The following DOCK5 variants were observed in gnomAD, a reference collection of about 807,000 sequenced individuals.
DOCK5 encodes the protein dedicator of cytokinesis 5.
Under a neutral mutation model 251.8 loss-of-function variants are expected in DOCK5, and 142 were observed. The observed-to-expected ratio is 0.56, with a 90% CI of 0.49 to 0.65. The LOEUF is 0.65. DOCK5 is among the 30% of genes least tolerant of loss of function. The pLI is 0.00. For missense variants in DOCK5, 2,111 were observed against 2,312.3 expected (o/e 0.91, Z 1.79); for synonymous variants, 842 against 835.5 (o/e 1.01, Z -0.13).
At chr8:25,389,061 A>G in intron 40 of DOCK5, 30 bp from the exon 41 acceptor site, 1 of 1,609,452 alleles carries the variant, frequency 6.2e-7, no homozygotes, top group African/African-American at 1.3e-5. Flanking sequence ...TTCCTATGTA[A>G]TGACTTCCCT....
chr8:25,325,520 A>T lies in DOCK5; in HGVS notation c.1876A>T (p.Ile626Phe), dbSNP rs542835101. The T allele has an allele frequency of 6.2e-7, 1 of 1,613,766 alleles. No individual in the cohort carries two copies. Among genetic ancestry groups the T allele is most frequent in the African/African-American group, 1.3e-5 (1 of 75,048 alleles). Reference protein sequence around the residue: ...TKDSFQIATLICSTKLTQNVD... With the variant: ...TKDSFQIATLFCSTKLTQNVD... ...AGACAGCTTTCAGATTGCCACCCTCATCTGCTCCACAAAGCTCACCCAGAA... is the reference window on the plus strand; with the variant it reads ...AGACAGCTTTCAGATTGCCACCCTCTTCTGCTCCACAAAGCTCACCCAGAA... Residue 626 changes from isoleucine (I) to phenylalanine (F), a missense_variant, in exon 18 of 52, where the codon ATC becomes TTC. This residue lies in a region of DOCK5 where 1,717 missense variants were observed against 1,892.4 expected (regional missense o/e 0.91). Transcript: ENST00000276440.
chr8:25,404,280 T>C (rs1488448949), intron 48 of DOCK5, among the ~76,000 whole-genome samples: 3 of 152,220 alleles, frequency 2.0e-5, no homozygotes, highest in Admixed American at 6.5e-5. Context: ...TTTAATATTA[T>C]ATCTTGAAAC....
chr8:25,323,243 C>T lies in DOCK5; in HGVS notation c.1616-605C>T, dbSNP rs573505119. ...CTTTCCTGGCACTGGAGCTGGTATT[C>T]TGGGGAGGAAGGGTAAAGAAACTTT... On this transcript the variant is annotated intron_variant, in intron 16 of 51. Transcript: ENST00000276440. Among the ~76,000 whole-genome samples the T allele has an allele frequency of 8.6e-4, 131 of 152,302 alleles. 4 individuals carry two copies. In the South Asian group the frequency reaches 0.026, roughly 31 times the overall value.
rs759229539 is a variant in DOCK5 at position 25,278,631 on chromosome 8, G to A, written c.287G>A (p.Arg96Gln). 7 of 1,613,954 alleles carry A rather than the reference G, an allele frequency of 4.3e-6. No individual in the cohort carries two copies. The highest frequency in any genetic ancestry group is 2.2e-5 in the East Asian group (1 of 44,850). The change falls in exon 5 of 52, where the codon CGA (arginine) becomes CAA (glutamine). Residue 96 changes from arginine (R) to glutamine (Q), a missense_variant. Around this residue, in one of 3 missense-constraint regions of DOCK5, gnomAD observed 335 missense variants for 324.9 expected, o/e 1.03. Transcript: ENST00000276440. Reference protein sequence around the residue: ...PLVQELTSTLREWAVIWRKLY... With the variant: ...PLVQELTSTLQEWAVIWRKLY... Reference sequence around the variant, plus strand: ...GTGCAGGAGCTCACGTCCACTCTGCGAGAATGGGCTGTCATCTGGCGAAAG... The same window carrying A: ...GTGCAGGAGCTCACGTCCACTCTGCAAGAATGGGCTGTCATCTGGCGAAAG...
At chr8:25,265,877 T>C (rs2117593161) in intron 2 of DOCK5, among the ~76,000 whole-genome samples, 1 of 151,948 alleles carries the variant, frequency 6.6e-6, no homozygotes, top group East Asian at 1.9e-4. Context: ...ATTTTGACAG[T>C]GGAATTAGCA....
intron 5 of DOCK5, among the ~76,000 whole-genome samples, chr8:25,282,152 TTG>T: frequency 6.6e-6 from 1 of 152,270 alleles, no homozygotes; most frequent in East Asian, 1.9e-4. Flanking sequence ...GCAAAAGTAA[TTG>T]TGGCTTTCAC....
At chr8:25,283,982 A>G (rs1045997724) in intron 5 of DOCK5, among the ~76,000 whole-genome samples, 1 of 152,200 alleles carries the variant, frequency 6.6e-6, no homozygotes, top group Admixed American at 6.5e-5. Flanking sequence ...GACCTTGGAC[A>G]TTGGAGTCAG....
At chr8:25,208,532 C>A (rs944993944) in intron 1 of DOCK5, among the ~76,000 whole-genome samples, 1 of 152,330 alleles carries the variant, frequency 6.6e-6, no homozygotes, top group Non-Finnish European at 1.5e-5. Flanking sequence ...AAGCAAGACC[C>A]TTCACCAGCC....
chr8:25,392,102 G>A lies in DOCK5; in HGVS notation c.4440+122G>A, dbSNP rs1204032111. On this transcript the variant is annotated intron_variant, in intron 43 of 51. Transcript: ENST00000276440. ...GCGGATCACGAAGTCAAGAGATCGA[G>A]ACCATCCTGGCTAATACGGTGAAAC... The A allele has an allele frequency of 6.6e-6, 6 of 903,534 alleles. No individual in the cohort carries two copies. The Admixed American group carries it at 1.5e-4, about 22-fold the overall frequency. The allele number at this position is 903,534 out of a possible 1,614,324, so 56.0% of individuals were successfully genotyped here. A position where few individuals can be genotyped will look rare whatever the true frequency, so the allele number is the denominator to read the frequency against.
chr8:25,364,804 A>C, intron 30 of DOCK5, 100 bp downstream of exon 30: 1 of 873,298 alleles, frequency 1.1e-6, no homozygotes, highest in Non-Finnish European at 1.8e-6. Flanking sequence ...CTGTTTTCAC[A>C]TGAAAAAGGT....
Position 25,414,549 on chromosome 8 carries a change from T to C in DOCK5, c.*3251T>C, listed in dbSNP as rs971280396. 6.6e-6 allele frequency: 1 copy of C among 152,206 alleles called. No individual in the cohort carries two copies. Among genetic ancestry groups the C allele is most frequent in the Non-Finnish European group, 1.5e-5 (1 of 68,032 alleles). The allele number at this position is 152,206 out of a possible 1,614,324, so 9.4% of individuals were successfully genotyped here. ...ACTCTTTCCAAGCTGGAAGAGTCCT[T>C]CTCCTCTAGTTGCCCCTAGGTCACT... On this transcript the variant is annotated 3_prime_UTR_variant, in exon 52 of 52. Coordinates refer to ENST00000276440, the MANE Select transcript of DOCK5 (RefSeq NM_024940.8).
At position 25,413,991 on chromosome 8, in the gene DOCK5, AAAG is replaced by A. The variant is rs1801672022; in HGVS notation, c.*2696_*2698del. On this transcript the variant is annotated 3_prime_UTR_variant, in exon 52 of 52. Coordinates refer to ENST00000276440, the MANE Select transcript of DOCK5 (RefSeq NM_024940.8). ...ATAAGGAGCAAGGAGGAAAAAAGAG[AAAG>A]AATTGGTCTTTATTTTTCTTGCTAA... 6.6e-6 allele frequency: 1 copy of A among 152,294 alleles called. No homozygotes were observed. Among genetic ancestry groups the A allele is most frequent in the Admixed American group, 6.5e-5 (1 of 15,302 alleles). The allele number at this position is 152,294 out of a possible 1,614,324, so 9.4% of individuals were successfully genotyped here. A position where few individuals can be genotyped will look rare whatever the true frequency, so the allele number is the denominator to read the frequency against.
rs137938378 is a variant in DOCK5, at chr8:25,399,935, C to G, written c.4729C>G (p.Gln1577Glu). The G allele has an allele frequency of 1.3e-3, 2,158 of 1,613,486 alleles. 3 individuals are homozygous for G. Among genetic ancestry groups the G allele is most frequent in the Non-Finnish European group, 1.6e-3 (1,908 of 1,179,706 alleles). Residue 1577 changes from glutamine to glutamate, a missense_variant, in exon 46 of 52, where the codon CAG becomes GAG. Physicochemically the swap from Gln to Glu is conservative, Grantham distance 29. Around this residue, in one of 3 missense-constraint regions of DOCK5, gnomAD observed 1,717 missense variants for 1,892.4 expected, o/e 0.91. Coordinates refer to ENST00000276440, the MANE Select transcript of DOCK5 (RefSeq NM_024940.8). ...GGCTTTTTTTACAGAAAAGTACTTG[C>G]AGGAGCATCCTGAAGACCAGGAGAA... ...EKAFFTEKYLQEHPEDQEKVE... is the reference protein window; with the variant it reads ...EKAFFTEKYLEEHPEDQEKVE...
At chr8:25,394,901 T>C (rs997131141) in intron 44 of DOCK5, among the ~76,000 whole-genome samples, 2 of 152,102 alleles carry the variant, frequency 1.3e-5, no homozygotes, top group Non-Finnish European at 2.9e-5. Context: ...AGGGACTGCT[T>C]TCCTGGAAGA....
At position 25,332,201 on chromosome 8, in the gene DOCK5, G is replaced by T. The variant is rs201753434; in HGVS notation, c.1904-50G>T. ...GAATTCTTTAGCTATGTCCTGAAATGGTCTGGGTTGTTCTCACCTGTATCT... is the reference window on the plus strand; with the variant it reads ...GAATTCTTTAGCTATGTCCTGAAATTGTCTGGGTTGTTCTCACCTGTATCT... On this transcript the variant is annotated intron_variant, in intron 18 of 51. Coordinates refer to ENST00000276440, the MANE Select transcript of DOCK5 (RefSeq NM_024940.8). 1.8e-4 allele frequency: 259 copies of T among 1,408,798 alleles called. 1 individual carries two copies. In the African/African-American group the frequency reaches 3.2e-3, roughly 17 times the overall value. The allele number at this position is 1,408,798 out of a possible 1,614,324, so 87.3% of individuals were successfully genotyped here. A position where few individuals can be genotyped will look rare whatever the true frequency, so the allele number is the denominator to read the frequency against.
intron 27 of DOCK5, among the ~76,000 whole-genome samples, chr8:25,354,182 G>T (rs1474076196): frequency 1.3e-5 from 2 of 151,914 alleles, no homozygotes; most frequent in East Asian, 3.9e-4. Flanking sequence ...CTAACAGATG[G>T]AGTGCAATTT....
rs1474562135 is a variant in DOCK5 at position 25,395,590 on chromosome 8, C to G, written c.4575C>G (p.Thr1525=). Residue 1525 remains threonine, a synonymous_variant, in exon 45 of 52, where the codon ACC becomes ACG. Coordinates refer to ENST00000276440, the MANE Select transcript of DOCK5 (RefSeq NM_024940.8). ...LENAIETMEL[T]NERISNCVQQ... ...ATGCCATCGAAACCATGGAGCTGAC[C>G]AACGAGAGGATCAGCAACTGTGTTC... is the stretch of plus-strand genomic sequence containing the variant. The G allele has an allele frequency of 2.5e-6, 4 of 1,613,554 alleles. No individual in the cohort carries two copies. Among genetic ancestry groups the G allele is most frequent in the Non-Finnish European group, 2.5e-6 (3 of 1,179,808 alleles).
At chr8:25,332,176 G>A in intron 18 of DOCK5, 75 bp from the exon 19 acceptor site, 1 of 1,130,398 alleles carries the variant, frequency 8.8e-7, no homozygotes, top group Non-Finnish European at 1.3e-6. Context: ...CTGTTCTAGA[G>A]AATTCTTTAG....
chr8:25,382,657 C>G lies in DOCK5; in HGVS notation c.4027-17C>G. 6.3e-7 allele frequency: 1 copy of G among 1,588,460 alleles called. No homozygotes were observed. The highest frequency in any genetic ancestry group is 8.6e-7 in the Non-Finnish European group (1 of 1,164,358). ...TACTTATAACCTCCCCTTGGAATGT[C>G]TTGTTTTGTTTTCCAGAAAAAAAGG... is the stretch of plus-strand genomic sequence containing the variant. On this transcript the variant is annotated splice_polypyrimidine_tract_variant and intron_variant, in intron 39 of 51. Transcript: ENST00000276440.
Sources: allele counts gnomAD v4.1 joint callset (sites outside exome capture counted in the v4.1 genomes callset), GRCh38; gene constraint gnomAD v4.1.1; regional missense constraint gnomAD v4.1.1; transcripts MANE v1.5; gene names NCBI Gene and HGNC (gene_info 2026-07-23, HGNC 2026-07-21).